The following EXOSC7 variants were observed in gnomAD, a reference collection of about 807,000 sequenced individuals.
EXOSC7 encodes exosome complex component RRP42.
EXOSC7 carries 25 observed loss-of-function variants against 34.3 expected under a neutral mutation model. That is an observed-to-expected ratio of 0.73 (90% CI 0.53 to 1.02). The LOEUF (loss-of-function observed/expected upper bound fraction) is 1.02, where lower values mean the gene tolerates loss of function less well. Among genes scored for constraint, EXOSC7 ranks in the 50% least tolerant of loss-of-function variants. The probability of loss-of-function intolerance (pLI) is 0.00; values close to 1 mark genes in which losing one functional copy is unlikely to be tolerated. For missense variants in EXOSC7, 370 were observed against 368.5 expected (o/e 1.00, Z -0.03); for synonymous variants, 130 against 143.0 (o/e 0.91, Z 0.65).
intron 6 of EXOSC7, among the ~76,000 whole-genome samples, chr3:45,006,648 C>A (rs542168051): frequency 1.1e-3 from 162 of 149,410 alleles, no homozygotes; most frequent in African/African-American, 3.9e-3. Context: ...GATCTCCTGA[C>A]CTCATGATCT....
At chr3:45,003,700 G>C (rs915633314) in intron 5 of EXOSC7, among the ~76,000 whole-genome samples, 1 of 152,184 alleles carries the variant, frequency 6.6e-6, no homozygotes, top group Non-Finnish European at 1.5e-5. Context: ...TCAGTACCCA[G>C]CTGAAGAAAC....
rs34579096 is a variant in EXOSC7, at chr3:44,994,856, GGTGTGTGTGTGTGT to G, written c.255-2194_255-2181del. On this transcript the variant is annotated intron_variant, in intron 3 of 7. Transcript: ENST00000265564. ...GACTGCTGGCTATGGTGGAAGAATG[GGTGTGTGTGTGTGT>G]GTGTGTGTGTGTGTGTGTGTGTGTG... 6.7e-3 allele frequency among the ~76,000 whole-genome samples: 908 copies of G among 134,930 alleles called. 7 individuals are homozygous for G. The highest frequency in any genetic ancestry group is 0.048 in the Middle Eastern group (13 of 270). The allele number at this position is 134,930 out of a possible 152,430, so 88.5% of individuals were successfully genotyped here.
chr3:44,986,972 C>G (rs1342106667), intron 1 of EXOSC7, among the ~76,000 whole-genome samples: 2 of 151,408 alleles, frequency 1.3e-5, no homozygotes, highest in Non-Finnish European at 2.9e-5. Context: ...CTTGGAGAAT[C>G]TGATTAAGCT....
chr3:45,006,211 G>A (rs1707035506), intron 6 of EXOSC7, among the ~76,000 whole-genome samples: 1 of 150,232 alleles, frequency 6.7e-6, no homozygotes, highest in Admixed American at 6.7e-5. Flanking sequence ...CCAAATAGCT[G>A]GGATTACAGG....
At chr3:44,980,695 T>G (rs1398908065) in intron 1 of EXOSC7, among the ~76,000 whole-genome samples, 2 of 152,224 alleles carry the variant, frequency 1.3e-5, no homozygotes, top group African/African-American at 4.8e-5. Flanking sequence ...TAAAAGCTTG[T>G]GGGGAAACTG....
At chr3:44,989,527 A>G in intron 2 of EXOSC7, 23 bp from the exon 3 acceptor site, 2 of 1,579,302 alleles carry the variant, frequency 1.3e-6, no homozygotes, top group Non-Finnish European at 1.7e-6. Flanking sequence ...CTGAGTGAGG[A>G]CTCTTCTTGC....
chr3:44,989,105 G>C (rs181824918), intron 1 of EXOSC7, 35 bp from the exon 2 acceptor site: 20,736 of 1,436,326 alleles, frequency 0.014, 238 homozygotes, highest in Middle Eastern at 0.03. Flanking sequence ...TTGTTGATCT[G>C]GGGTGACTAT....
chr3:45,009,899 A>C (rs1707158916), intron 7 of EXOSC7, among the ~76,000 whole-genome samples: 1 of 152,154 alleles, frequency 6.6e-6, no homozygotes, highest in African/African-American at 2.4e-5. Context: ...AGAGGTGATC[A>C]CTTCCCAGCC....
At chr3:45,012,062 T>C (rs1220338500), downstream of EXOSC7, 5 of 152,264 alleles carry the variant, frequency 3.3e-5, no homozygotes, top group East Asian at 1.9e-4. Context: ...GCTCTCAGCA[T>C]TGAAAGGAAG....
intron 6 of EXOSC7, among the ~76,000 whole-genome samples, chr3:45,006,068 C>CT (rs34869939): frequency 0.19 from 9,032 of 47,234 alleles, 3,411 homozygotes; most frequent in East Asian, 0.58. Context: ...TGGGTCTTGG[C>CT]TTTTTTTTTT....
chr3:44,982,684 C>T (rs542184920), intron 1 of EXOSC7, among the ~76,000 whole-genome samples: 2 of 152,326 alleles, frequency 1.3e-5, no homozygotes, highest in South Asian at 4.1e-4. Flanking sequence ...AGTCAGTATT[C>T]GGTTGCTCAG....
chr3:45,010,995 TG>T (rs1279581855), intron 7 of EXOSC7, among the ~76,000 whole-genome samples: 2 of 152,218 alleles, frequency 1.3e-5, no homozygotes, highest in Non-Finnish European at 2.9e-5. Flanking sequence ...TGTTGCCTGG[TG>T]GGGGCTGGTG....
At chr3:44,979,942 T>C (rs1706230162) in intron 1 of EXOSC7, among the ~76,000 whole-genome samples, 1 of 151,490 alleles carries the variant, frequency 6.6e-6, no homozygotes, top group Admixed American at 6.6e-5. Context: ...TCTAGAGCAG[T>C]ATGGGGGGGG....
intron 4 of EXOSC7, 58 bp downstream of exon 4, chr3:44,997,310 C>G: frequency 6.6e-7 from 1 of 1,511,836 alleles, no homozygotes; most frequent in Non-Finnish European, 9.0e-7. Context: ...GACTAGTTGG[C>G]CTATTTTCCT....
intron 7 of EXOSC7, among the ~76,000 whole-genome samples, chr3:45,010,394 C>CGT (rs1576031721): frequency 6.6e-6 from 1 of 151,954 alleles, no homozygotes; most frequent in East Asian, 1.9e-4. Context: ...TCTACAGGCG[C>CGT]ATACCACCAT....
chr3:45,011,928 A>T (rs1044793539), downstream of EXOSC7, among the ~76,000 whole-genome samples: 8 of 151,134 alleles, frequency 5.3e-5, no homozygotes, highest in Non-Finnish European at 1.2e-4. Context: ...CTTTCTTATC[A>T]CTCTTGTTTT....
intron 7 of EXOSC7, among the ~76,000 whole-genome samples, 189 bp downstream of exon 7, chr3:45,007,764 T>C (rs973229198): frequency 3.3e-5 from 5 of 152,326 alleles, no homozygotes; most frequent in Admixed American, 2.0e-4. Flanking sequence ...GTGGATACTC[T>C]GGACTGGGAG....
At position 45,007,510 on chromosome 3, in the gene EXOSC7, G is replaced by T; in HGVS notation, c.706G>T (p.Val236Leu). 1 of 1,614,080 alleles carries T rather than the reference G, an allele frequency of 6.2e-7. No homozygotes were observed. The highest frequency in any genetic ancestry group is 8.5e-7 in the Non-Finnish European group (1 of 1,179,952). Reference protein sequence around the residue: ...LLVSVTSKGVVTCMRKVGKGS... With the variant: ...LLVSVTSKGVLTCMRKVGKGS... ...GGTGTCGGTGACCAGCAAGGGAGTT[G>T]TGACGTGCATGAGGAAAGTGGGGAA... Residue 236 changes from valine to leucine, a missense_variant, in exon 7 of 8, where the codon GTG becomes TTG. This residue lies in a region of EXOSC7 where 255 missense variants were observed against 246.4 expected (regional missense o/e 1.03). Transcript: ENST00000265564.
At chr3:44,991,819 C>A (rs1403427108) in intron 3 of EXOSC7, among the ~76,000 whole-genome samples, 1 of 152,176 alleles carries the variant, frequency 6.6e-6, no homozygotes, top group Non-Finnish European at 1.5e-5. Context: ...AGGATCCCCA[C>A]AGGCCCAAGA....
Sources: gnomAD v4.1 joint callset for allele counts (sites outside exome capture counted in the v4.1 genomes callset) on GRCh38, gnomAD v4.1.1 for gene constraint, gnomAD v4.1.1 regional missense constraint, MANE v1.5 for transcripts, NCBI Gene and HGNC (gene_info 2026-07-23, HGNC 2026-07-21) for gene names.